CADM2: variants seen among roughly 807,000 people sequenced by gnomAD.
The protein encoded by CADM2 is immunoglobulin superfamily member 4D.
A neutral mutation model predicts 49.8 loss-of-function variants in CADM2; 12 were observed. That is an observed-to-expected ratio of 0.24 (90% CI 0.15 to 0.39). CADM2 has a LOEUF of 0.39. Ranked by LOEUF, CADM2 falls within the 10% of genes least tolerant of loss-of-function variation. CADM2 has a pLI of 1.00. For missense variants in CADM2, 378 were observed against 492.3 expected (o/e 0.77, Z 2.20); for synonymous variants, 214 against 175.4 (o/e 1.22, Z -1.74).
chr3:85,163,515 A>C (rs899428405), intron 1 of CADM2, among the ~76,000 whole-genome samples: 2 of 152,072 alleles, frequency 1.3e-5, no homozygotes, highest in Non-Finnish European at 2.9e-5. Context: ...ATAATTTGTC[A>C]TTTATTTGGA....
At chr3:85,570,712 GA>G (rs2062450730) in intron 1 of CADM2, among the ~76,000 whole-genome samples, 1 of 151,970 alleles carries the variant, frequency 6.6e-6, no homozygotes. Context: ...TTATCCAAGG[GA>G]AAAATATAGA....
chr3:85,305,554 G>A (rs1469859980), intron 1 of CADM2, among the ~76,000 whole-genome samples: 2 of 151,666 alleles, frequency 1.3e-5, no homozygotes, highest in East Asian at 1.9e-4. Flanking sequence ...TAAATTGGTA[G>A]CCAATTGAAC....
At chr3:85,608,913 C>T (rs182654315) in intron 1 of CADM2, among the ~76,000 whole-genome samples, 1 of 152,154 alleles carries the variant, frequency 6.6e-6, no homozygotes, top group African/African-American at 2.4e-5. Context: ...CTCAGCATAC[C>T]TGAGTTTGGA....
intron 1 of CADM2, among the ~76,000 whole-genome samples, chr3:85,046,320 CTTTTT>C (rs924286569): frequency 1.6e-5 from 2 of 122,838 alleles, no homozygotes. Context: ...TTACAATTTT[CTTTTT>C]TTTTTTTTTT....
chr3:85,021,131 AAAG>A (rs2034487446), intron 1 of CADM2, among the ~76,000 whole-genome samples: 1 of 150,996 alleles, frequency 6.6e-6, no homozygotes, highest in Non-Finnish European at 1.5e-5. Flanking sequence ...AAAAAAAAAA[AAAG>A]GGGGAAAAAA....
intron 8 of CADM2, among the ~76,000 whole-genome samples, chr3:86,050,626 C>G (rs993504825): frequency 4.6e-5 from 7 of 152,208 alleles, no homozygotes; most frequent in African/African-American, 1.7e-4. Flanking sequence ...CCTCTGGAAT[C>G]TAGATGAAAG....
At chr3:85,067,943 CTT>C (rs2036583816) in intron 1 of CADM2, among the ~76,000 whole-genome samples, 2 of 152,134 alleles carry the variant, frequency 1.3e-5, no homozygotes, top group South Asian at 4.2e-4. Context: ...CAAATGTCCT[CTT>C]GAGAATTGTG....
At chr3:85,213,313 T>C (rs1428353823) in intron 1 of CADM2, among the ~76,000 whole-genome samples, 2 of 152,164 alleles carry the variant, frequency 1.3e-5, no homozygotes, top group Non-Finnish European at 2.9e-5. Context: ...TCTTTCATGT[T>C]TGAAGAATAT....
chr3:86,020,428 T>C (rs955061650), intron 8 of CADM2, among the ~76,000 whole-genome samples: 3 of 152,092 alleles, frequency 2.0e-5, no homozygotes, highest in Non-Finnish European at 2.9e-5. Flanking sequence ...ACTGGTACCA[T>C]TCCTTCTGAA....
intron 1 of CADM2, among the ~76,000 whole-genome samples, chr3:85,097,950 T>A (rs2037863838): frequency 6.6e-6 from 1 of 152,188 alleles, no homozygotes; most frequent in African/African-American, 2.4e-5. Flanking sequence ...GGAATATAAA[T>A]TGTACCTGAG....
chr3:84,984,512 A>G (rs988581822), intron 1 of CADM2, among the ~76,000 whole-genome samples: 3 of 151,002 alleles, frequency 2.0e-5, no homozygotes, highest in African/African-American at 4.9e-5. Flanking sequence ...GCAGTCTTTC[A>G]TCTTTACTAC....
rs1327334317 is a variant in CADM2 at position 85,563,358 on chromosome 3, A to G, written c.62-163164A>G. ...CATACAACCATTTTATATCTCTTGTAACCTAGAAAATGATTCTACGTATTG... is the reference window on the plus strand; with the variant it reads ...CATACAACCATTTTATATCTCTTGTGACCTAGAAAATGATTCTACGTATTG... On this transcript the variant is annotated intron_variant, in intron 1 of 9. Transcript: ENST00000383699. Among the ~76,000 whole-genome samples the G allele has an allele frequency of 2.0e-5, 3 of 149,128 alleles. No homozygotes were observed. In the East Asian group the frequency reaches 6.3e-4, roughly 31 times the overall value.
At chr3:85,953,656 A>G (rs1723710935) in intron 7 of CADM2, among the ~76,000 whole-genome samples, 1 of 151,012 alleles carries the variant, frequency 6.6e-6, no homozygotes, top group African/African-American at 2.4e-5. Flanking sequence ...TTGATGACAT[A>G]TATCTTATAG....
At chr3:85,058,541 T>C (rs2036180313) in intron 1 of CADM2, among the ~76,000 whole-genome samples, 1 of 152,100 alleles carries the variant, frequency 6.6e-6, no homozygotes, top group Non-Finnish European at 1.5e-5. Context: ...GTCTCCTGGG[T>C]TGAAGCGATT....
chr3:86,060,579 G>A (rs2107390901), intron 8 of CADM2, among the ~76,000 whole-genome samples: 1 of 152,264 alleles, frequency 6.6e-6, no homozygotes, highest in South Asian at 2.1e-4. Flanking sequence ...TTTTGAGACA[G>A]GAACTCTGTG....
chr3:85,902,519 A>C (rs980971794), intron 5 of CADM2, among the ~76,000 whole-genome samples: 15 of 151,794 alleles, frequency 9.9e-5, no homozygotes, highest in Non-Finnish European at 2.2e-4. Context: ...CTGTAATCTT[A>C]TAATTGATAT....
rs191212230 is a variant in CADM2 at position 85,678,633 on chromosome 3, A to G, written c.62-47889A>G. On this transcript the variant is annotated intron_variant, in intron 1 of 9. Coordinates refer to ENST00000383699, the MANE Select transcript of CADM2 (RefSeq NM_001167675.2). ...AGCCTGATCAAAAAGTTCAAGCTCT[A>G]CTGACCTAAACATTTTCCGTTCATC... 6.5e-4 allele frequency among the ~76,000 whole-genome samples: 99 copies of G among 152,302 alleles called. 1 individual carries two copies. The highest frequency in any genetic ancestry group is 5.2e-3 in the South Asian group (25 of 4,820).
At chr3:85,309,960 A>G (rs1305238111) in intron 1 of CADM2, among the ~76,000 whole-genome samples, 1 of 152,208 alleles carries the variant, frequency 6.6e-6, no homozygotes, top group Admixed American at 6.5e-5. Context: ...GATACTGTCC[A>G]GTTTTGTGTT....
At chr3:85,293,139 A>G (rs1328121317) in intron 1 of CADM2, among the ~76,000 whole-genome samples, 2 of 152,234 alleles carry the variant, frequency 1.3e-5, no homozygotes, top group East Asian at 3.8e-4. Flanking sequence ...ACAAACTACC[A>G]TCAGAGAATA....
Sources: allele counts gnomAD v4.1 joint callset (sites outside exome capture counted in the v4.1 genomes callset), GRCh38; gene constraint gnomAD v4.1.1; transcripts MANE v1.5; gene names NCBI Gene and HGNC (gene_info 2026-07-23, HGNC 2026-07-21).